Variants in PHF8 observed in about 807,000 individuals in gnomAD.
The protein encoded by PHF8 is PHD finger protein 8, also known as histone lysine demethylase PHF8.
A neutral mutation model predicts 74.4 loss-of-function variants in PHF8; 9 were observed. The ratio of observed to expected loss-of-function variants is 0.12; its 90% confidence interval spans 0.07 to 0.21. PHF8 has a LOEUF of 0.21. Ranked by LOEUF, PHF8 falls within the 10% of genes least tolerant of loss-of-function variation. The pLI is 1.00. For synonymous variants in PHF8, 311 were observed against 316.6 expected (o/e 0.98, Z 0.19); for missense variants, 478 against 816.6 (o/e 0.59, Z 5.05).
At chrX:53,984,228 T>C (rs782668612) in intron 18 of PHF8, among the ~76,000 whole-genome samples, 9 of 110,922 alleles carry the variant, frequency 8.1e-5, no homozygotes, top group African/African-American at 2.6e-4. Flanking sequence ...TAGCCAGGCG[T>C]GATAGTACAC....
At position 53,987,819 on chromosome X, in the gene PHF8, A is replaced by G. The variant is rs1177569968; in HGVS notation, c.1856T>C (p.Leu619Pro). 5.0e-6 allele frequency: 6 copies of G among 1,207,392 alleles called. No homozygotes were observed. Among genetic ancestry groups the G allele is most frequent in the Non-Finnish European group, 6.7e-6 (6 of 893,263 alleles). Residue 619 changes from leucine to proline, a missense_variant, in exon 15 of 22, where the codon CTG (leucine) becomes CCG (proline). This residue lies in a region of PHF8 where 153 missense variants were observed against 164.8 expected (regional missense o/e 0.93). Transcript: ENST00000338154. ...CTTTCCCAATCTCTCGTCAATCTGCAGCTCATCATCTGAATCCAAGTCAAA... is the reference window on the plus strand; with the variant it reads ...CTTTCCCAATCTCTCGTCAATCTGCGGCTCATCATCTGAATCCAAGTCAAA... ...DEFDLDSDDE[L>P]QIDERLGKEK...
At chrX:53,970,712 C>T (rs1247180056) in intron 18 of PHF8, among the ~76,000 whole-genome samples, 1 of 111,163 alleles carries the variant, frequency 9.0e-6, no homozygotes, top group Admixed American at 9.6e-5. Context: ...TCTGACAAAA[C>T]AGACTTTAAA....
chrX:53,986,424 A>G (rs7881525), intron 16 of PHF8, among the ~76,000 whole-genome samples: 15,520 of 111,219 alleles, frequency 0.14, 1,203 homozygotes, highest in African/African-American at 0.29. Context: ...TAGCAGAGAC[A>G]GGGTTTCACC....
Position 53,944,065 on chromosome X carries a change from G to GA in PHF8, c.2649+68_2649+69insT, listed in dbSNP as rs1173088511. 2.4e-5 allele frequency: 15 copies of GA among 628,469 alleles called. No homozygotes were observed. In the Admixed American group the frequency reaches 3.4e-4, roughly 14 times the overall value. 51.8% of individuals were successfully genotyped at this position (628,469 alleles called of 1,213,427 possible). A position where few individuals can be genotyped will look rare whatever the true frequency, so the allele number is the denominator to read the frequency against. Reference sequence around the variant, plus strand: ...AAAGGTGGGATCCTATCAGCCTGCAGGTCTAAGTGTTGAGGCTCTAAGTCA... The same window carrying GA: ...AAAGGTGGGATCCTATCAGCCTGCAGAGTCTAAGTGTTGAGGCTCTAAGTCA... On this transcript the variant is annotated intron_variant, in intron 20 of 21. Transcript: ENST00000338154.
intron 19 of PHF8, among the ~76,000 whole-genome samples, chrX:53,952,277 C>CT (rs782696189): frequency 3.1e-5 from 3 of 97,262 alleles, no homozygotes; most frequent in Non-Finnish European, 6.1e-5. Context: ...GTGCGAGACT[C>CT]TGTCTCAAAA....
intron 2 of PHF8, among the ~76,000 whole-genome samples, chrX:54,034,891 G>C (rs1332667408): frequency 1.9e-5 from 2 of 107,160 alleles, no homozygotes; most frequent in Non-Finnish European, 3.9e-5. Context: ...CCCAGCTACT[G>C]GGGGGTGGGG....
intron 7 of PHF8, among the ~76,000 whole-genome samples, chrX:54,013,300 G>C (rs1557107134): frequency 9.0e-6 from 1 of 111,398 alleles, no homozygotes; most frequent in Non-Finnish European, 1.9e-5. Context: ...ACTTTAAAAA[G>C]ACTTCTCATA....
chrX:53,971,098 C>T (rs2065284434), intron 18 of PHF8, among the ~76,000 whole-genome samples: 1 of 111,505 alleles, frequency 9.0e-6, no homozygotes, highest in African/African-American at 3.3e-5. Context: ...AGGTAAAACA[C>T]TCCTCAGCAA....
intron 18 of PHF8, among the ~76,000 whole-genome samples, chrX:53,974,155 A>G (rs943870027): frequency 9.1e-6 from 1 of 110,362 alleles, no homozygotes; most frequent in East Asian, 2.9e-4. Context: ...AGTCCCAGCT[A>G]CTCGGGAGGC....
intron 19 of PHF8, among the ~76,000 whole-genome samples, chrX:53,950,873 A>G (rs1326913770): frequency 3.6e-5 from 4 of 112,515 alleles, no homozygotes; most frequent in African/African-American, 1.3e-4. Context: ...AAAAAATTAC[A>G]AGACATACAA....
At chrX:53,995,199 G>A (rs782026380) in intron 12 of PHF8, 17 of 340,044 alleles carry the variant, frequency 5.0e-5, no homozygotes, top group East Asian at 2.9e-4. Flanking sequence ...TCTTCACCCC[G>A]AGAGAACTGT....
chrX:54,029,619 G>A (rs1374513514), intron 2 of PHF8, among the ~76,000 whole-genome samples: 1 of 111,870 alleles, frequency 8.9e-6, no homozygotes, highest in African/African-American at 3.2e-5. Context: ...CTCAAGGGGC[G>A]AGTGCAGGCC....
chrX:54,025,502 A>G (rs1197897879), intron 2 of PHF8, among the ~76,000 whole-genome samples: 2 of 110,452 alleles, frequency 1.8e-5, no homozygotes, highest in Non-Finnish European at 3.8e-5. Context: ...CATCTCCCCA[A>G]CACACCCCTT....
chrX:54,045,018 C>G (rs1338146721), upstream of PHF8: 1 of 614,901 alleles, frequency 1.6e-6, no homozygotes, highest in Non-Finnish European at 2.6e-6. Flanking sequence ...TGACTTGAGT[C>G]CCGGAGCAGG....
chrX:53,954,033 T>C (rs992153866), intron 19 of PHF8, among the ~76,000 whole-genome samples: 1 of 111,356 alleles, frequency 9.0e-6, no homozygotes, highest in Non-Finnish European at 1.9e-5. Flanking sequence ...GATAAAAAGG[T>C]CAATCCATCA....
At chrX:53,951,232 G>A (rs782163692) in intron 19 of PHF8, among the ~76,000 whole-genome samples, 1 of 112,330 alleles carries the variant, frequency 8.9e-6, no homozygotes, top group African/African-American at 3.2e-5. Flanking sequence ...TGACTTTGAA[G>A]ATAAGTCAAT....
intron 8 of PHF8, among the ~76,000 whole-genome samples, chrX:54,009,478 G>A (rs2065945246): frequency 9.2e-6 from 1 of 109,277 alleles, no homozygotes; most frequent in Non-Finnish European, 1.9e-5. Flanking sequence ...AGCAAGCAGA[G>A]GGAAGGAAAA....
At chrX:53,995,638 C>T in intron 12 of PHF8, 55 bp downstream of exon 12, 2 of 794,837 alleles carry the variant, frequency 2.5e-6, no homozygotes, top group Non-Finnish European at 3.9e-6. Context: ...TAACCTGCCA[C>T]TTGAGCCTCA....
At chrX:53,988,963 T>G (rs1249145699) in intron 14 of PHF8, among the ~76,000 whole-genome samples, 1 of 108,695 alleles carries the variant, frequency 9.2e-6, no homozygotes, top group Admixed American at 1.0e-4. Flanking sequence ...ATATTTGCTT[T>G]TTTTTTTTTT....
Sources: gnomAD v4.1 joint callset for allele counts (sites outside exome capture counted in the v4.1 genomes callset) on GRCh38, gnomAD v4.1.1 for gene constraint, gnomAD v4.1.1 regional missense constraint, MANE v1.5 for transcripts, NCBI Gene and HGNC (gene_info 2026-07-23, HGNC 2026-07-21) for gene names.